The following USP48 variants were observed in gnomAD, a reference collection of about 807,000 sequenced individuals.
USP48 encodes ubiquitin carboxyl-terminal hydrolase 48.
In USP48, 43 loss-of-function variants were observed where a neutral mutation model predicts 150.7. That is an observed-to-expected ratio of 0.29 (90% CI 0.22 to 0.37). The LOEUF is 0.37. USP48 is among the 10% of genes least tolerant of loss of function. The pLI is 1.00. For missense variants in USP48, 813 were observed against 1,249.6 expected, an observed-to-expected ratio of 0.65 and a Z score of 5.27; for synonymous variants, 396 against 425.9, an observed-to-expected ratio of 0.93 and a Z score of 0.86.
chr1:21,745,409 C>T (rs1177854989), intron 8 of USP48, among the ~76,000 whole-genome samples: 2 of 151,038 alleles, frequency 1.3e-5, no homozygotes, highest in African/African-American at 4.9e-5. Context: ...GAGTTCAAGA[C>T]CCCGTCTCTA....
At chr1:21,721,874 A>T (rs2097721743) in intron 12 of USP48, 110 bp from the exon 13 acceptor site, 2 of 699,438 alleles carry the variant, frequency 2.9e-6, no homozygotes, top group Non-Finnish European at 4.4e-6. Flanking sequence ...CCAAAGTCAC[A>T]AATGTTGGCA....
At chr1:21,737,215 T>C (rs935603746) in intron 8 of USP48, among the ~76,000 whole-genome samples, 2 of 152,180 alleles carry the variant, frequency 1.3e-5, no homozygotes, top group Non-Finnish European at 2.9e-5. Flanking sequence ...GTGGTCACCA[T>C]TTCACAGACA....
At chr1:21,720,566 C>T (rs765251233) in intron 14 of USP48, among the ~76,000 whole-genome samples, 7 of 151,640 alleles carry the variant, frequency 4.6e-5, no homozygotes, top group Non-Finnish European at 7.4e-5. Context: ...CTCGCTCTGC[C>T]GCCCAAGCTG....
chr1:21,760,187 CA>C (rs2097846617), intron 1 of USP48, among the ~76,000 whole-genome samples: 1 of 152,090 alleles, frequency 6.6e-6, no homozygotes, highest in African/African-American at 2.4e-5. Context: ...TCATGAAATA[CA>C]AAGAAAGATT....
chr1:21,748,074 A>G (rs563234039), intron 7 of USP48, 64 bp downstream of exon 7: 3 of 1,438,336 alleles, frequency 2.1e-6, no homozygotes, highest in African/African-American at 1.4e-5. Context: ...CATCTCATCT[A>G]TGGTAAAGTC....
chr1:21,738,350 G>A (rs1381448792), intron 8 of USP48, among the ~76,000 whole-genome samples: 2 of 139,442 alleles, frequency 1.4e-5, no homozygotes, highest in Admixed American at 7.3e-5. Context: ...AAGCCACCAC[G>A]CCTGGCCTTT....
chr1:21,746,739 G>A (rs1471171399), intron 8 of USP48, among the ~76,000 whole-genome samples: 2 of 152,166 alleles, frequency 1.3e-5, no homozygotes, highest in East Asian at 1.9e-4. Context: ...TTAGTTTTGA[G>A]AAATGATAAA....
chr1:21,742,497 T>G (rs2097784157), intron 8 of USP48, among the ~76,000 whole-genome samples: 1 of 142,648 alleles, frequency 7.0e-6, no homozygotes, highest in African/African-American at 2.6e-5. Flanking sequence ...TGAGCCAAGA[T>G]CGCGGCACTG....
At position 21,706,766 on chromosome 1, in the gene USP48, T is replaced by A. The variant is rs780108854; in HGVS notation, c.2066A>T (p.Lys689Ile). Residue 689 changes from lysine to isoleucine, a missense_variant, in exon 16 of 27, where the codon AAA becomes ATA. Lys to Ile is a moderately radical substitution (Grantham distance 102). Coordinates refer to ENST00000308271, the MANE Select transcript of USP48 (RefSeq NM_032236.8). ...TACCTTGCACTGTGAACAGCACTCT[T>A]TGTAACTTGGAAACTCAGGAGCCTT... ...FPKAPEFPSY[K>I]ECCSQCKILE... 6.2e-7 allele frequency: 1 copy of A among 1,612,876 alleles called. No homozygotes were observed. The highest frequency in any genetic ancestry group is 1.7e-5 in the Admixed American group (1 of 59,670).
intron 14 of USP48, among the ~76,000 whole-genome samples, chr1:21,716,214 C>G (rs575044419): frequency 6.6e-6 from 1 of 152,234 alleles, no homozygotes; most frequent in South Asian, 2.1e-4. Flanking sequence ...AAAGGAAGCA[C>G]TTTGTGGCTT....
intron 22 of USP48, among the ~76,000 whole-genome samples, chr1:21,696,865 T>C (rs1159526845): frequency 2.1e-5 from 2 of 93,154 alleles, no homozygotes; most frequent in African/African-American, 4.5e-5. Context: ...TTGCTTTTTG[T>C]ACCAAAGGTG....
chr1:21,708,069 A>G (rs962289336), intron 15 of USP48, among the ~76,000 whole-genome samples: 4 of 152,042 alleles, frequency 2.6e-5, no homozygotes, highest in African/African-American at 9.7e-5. Context: ...GGCTGAGGCA[A>G]GAGGACTCCT....
chr1:21,756,742 C>T (rs778212177), intron 2 of USP48, 40 bp from the exon 3 acceptor site: 7 of 1,602,772 alleles, frequency 4.4e-6, no homozygotes, highest in Admixed American at 1.7e-5. Context: ...AACCCATTTT[C>T]CTTTAAACAA....
At chr1:21,715,491 G>T in intron 14 of USP48, 34 bp from the exon 15 acceptor site, 3 of 1,398,632 alleles carry the variant, frequency 2.1e-6, no homozygotes, top group South Asian at 1.2e-5. Flanking sequence ...TATCTGCTGT[G>T]GTTATTGTGT....
chr1:21,769,446 G>A (rs1316632214), intron 1 of USP48, among the ~76,000 whole-genome samples: 1 of 151,656 alleles, frequency 6.6e-6, no homozygotes, highest in Non-Finnish European at 1.5e-5. Flanking sequence ...GCAGGGTCTC[G>A]CTGTCACCCA....
chr1:21,701,648 A>C (rs1291250451), intron 21 of USP48, 46 bp from the exon 22 acceptor site: 1 of 1,566,012 alleles, frequency 6.4e-7, no homozygotes, highest in Non-Finnish European at 8.8e-7. Flanking sequence ...GACCCTAGGA[A>C]GGCAGGCTAT....
intron 1 of USP48, among the ~76,000 whole-genome samples, chr1:21,765,330 A>C (rs1193083467): frequency 6.6e-6 from 1 of 152,114 alleles, no homozygotes; most frequent in African/African-American, 2.4e-5. Flanking sequence ...AACAGGACAG[A>C]CCGGGCGGGG....
chr1:21,723,505 C>T (rs1260475328), intron 12 of USP48, among the ~76,000 whole-genome samples: 1 of 148,214 alleles, frequency 6.7e-6, no homozygotes, highest in Non-Finnish European at 1.5e-5. Flanking sequence ...CAGAGTGAGA[C>T]TCCATCTCAA....
At chr1:21,704,590 T>C (rs2097666711) in intron 19 of USP48, 198 bp from the exon 20 acceptor site, 1 of 492,062 alleles carries the variant, frequency 2.0e-6, no homozygotes, top group African/African-American at 2.0e-5. Flanking sequence ...CTAAATGGAC[T>C]GAAATTACAT....
Sources: gnomAD v4.1 joint callset for allele counts (sites outside exome capture counted in the v4.1 genomes callset) on GRCh38, gnomAD v4.1.1 for gene constraint, MANE v1.5 for transcripts, NCBI Gene and HGNC (gene_info 2026-07-23, HGNC 2026-07-21) for gene names.